STS: variants seen among roughly 807,000 people sequenced by gnomAD.
The protein encoded by STS is steryl-sulfatase.
STS carries 7 observed loss-of-function variants against 26.8 expected under a neutral mutation model. That is an observed-to-expected ratio of 0.26 (90% CI 0.15 to 0.49). STS has a LOEUF of 0.49. Among genes scored for constraint, STS ranks in the 20% least tolerant of loss-of-function variants. STS has a pLI of 0.98. For missense variants in STS, 434 were observed against 465.6 expected (o/e 0.93, Z 0.63); for synonymous variants, 199 against 189.4 (o/e 1.05, Z -0.42).
chrX:7,158,936 C>T (rs1049456710), intron 1 of STS, among the ~76,000 whole-genome samples: 1 of 111,290 alleles, frequency 9.0e-6, no homozygotes. Flanking sequence ...CGTATTTATT[C>T]ATGTTAAAAT....
At chrX:7,215,031 GTA>G (rs757978588) in intron 2 of STS, among the ~76,000 whole-genome samples, 913 of 59,211 alleles carry the variant, frequency 0.015, 8 homozygotes, top group Middle Eastern at 0.037. Flanking sequence ...TATTATATAT[GTA>G]TATATATACA....
At position 7,238,178 on chromosome X, in the gene STS, G is replaced by GTAGATAGATAGA. The variant is rs56331051; in HGVS notation, c.-4-14982_-4-14971dup. Among the ~76,000 whole-genome samples, 107 of 91,150 alleles carry GTAGATAGATAGA rather than the reference G, an allele frequency of 1.2e-3. 1 individual carries two copies. Among genetic ancestry groups the GTAGATAGATAGA allele is most frequent in the African/African-American group, 1.3e-3 (33 of 24,532 alleles). 79.2% of individuals were successfully genotyped at this position (91,150 alleles called of 115,157 possible). A position where few individuals can be genotyped will look rare whatever the true frequency, so the allele number is the denominator to read the frequency against. On this transcript the variant is annotated intron_variant, in intron 2 of 10. Transcript: ENST00000674429. ...TGTGTGTGTACACACAATGCGTGGT[G>GTAGATAGATAGA]TAGATAGATAGATAGATAGATAGAT...
chrX:7,172,556 A>C (rs774738490), intron 1 of STS, among the ~76,000 whole-genome samples: 3 of 111,602 alleles, frequency 2.7e-5, no homozygotes, highest in Non-Finnish European at 5.6e-5. Flanking sequence ...GGAGATGTGC[A>C]TAATTATTTC....
chrX:7,222,616 A>G (rs781371412), intron 2 of STS, among the ~76,000 whole-genome samples: 2 of 108,638 alleles, frequency 1.8e-5, no homozygotes, highest in East Asian at 2.9e-4. Context: ...TTTTTGCTCT[A>G]TCTAGACTTT....
intron 2 of STS, among the ~76,000 whole-genome samples, chrX:7,210,521 A>G (rs980019513): frequency 9.3e-6 from 1 of 107,356 alleles, no homozygotes; most frequent in Non-Finnish European, 1.9e-5. Flanking sequence ...TAAAAAATAG[A>G]TGTATGTATA....
intron 2 of STS, among the ~76,000 whole-genome samples, chrX:7,194,139 G>A (rs967124484): frequency 5.4e-5 from 6 of 110,595 alleles, no homozygotes; most frequent in South Asian, 7.7e-4. Flanking sequence ...TCCTGACCTC[G>A]TGTGGAGGCT....
chrX:7,249,750 C>T (rs1437114544), intron 2 of STS, among the ~76,000 whole-genome samples: 2 of 111,459 alleles, frequency 1.8e-5, no homozygotes, highest in Non-Finnish European at 3.8e-5. Flanking sequence ...TTCATTGAAT[C>T]TCTCTGGGTC....
intron 6 of STS, among the ~76,000 whole-genome samples, chrX:7,263,443 A>T (rs991872795): frequency 1.2e-4 from 14 of 112,682 alleles, no homozygotes; most frequent in African/African-American, 4.5e-4. Context: ...AATACTTGCC[A>T]TTGCATTGCA....
At chrX:7,222,804 G>A (rs1473771269) in intron 2 of STS, among the ~76,000 whole-genome samples, 1 of 111,080 alleles carries the variant, frequency 9.0e-6, no homozygotes, top group African/African-American at 3.3e-5. Flanking sequence ...TTTTGTTACA[G>A]GGATATATTG....
intron 2 of STS, among the ~76,000 whole-genome samples, chrX:7,226,850 G>A (rs1448538182): frequency 2.7e-5 from 3 of 111,999 alleles, no homozygotes; most frequent in Admixed American, 9.5e-5. Context: ...AGCTTTGTTC[G>A]TGCTACTGCA....
intron 1 of STS, among the ~76,000 whole-genome samples, chrX:7,151,520 A>G (rs774535555): frequency 8.9e-6 from 1 of 112,028 alleles, no homozygotes; most frequent in Non-Finnish European, 1.9e-5. Flanking sequence ...CTTCAGAGGC[A>G]CTGAATATTC....
At chrX:7,322,249 A>C (rs1927071792) in intron 8 of STS, among the ~76,000 whole-genome samples, 1 of 111,917 alleles carries the variant, frequency 8.9e-6, no homozygotes, top group Non-Finnish European at 1.9e-5. Flanking sequence ...TATGCAGATG[A>C]GACCTCCTGT....
chrX:7,343,362 A>C (rs746697079), intron 10 of STS, among the ~76,000 whole-genome samples: 1 of 112,323 alleles, frequency 8.9e-6, no homozygotes, highest in East Asian at 2.8e-4. Context: ...TTACAGTAGC[A>C]ACAGATTGAA....
At chrX:7,203,078 C>G (rs984016141) in intron 2 of STS, among the ~76,000 whole-genome samples, 2 of 110,936 alleles carry the variant, frequency 1.8e-5, no homozygotes, top group Admixed American at 1.9e-4. Context: ...CCCTCTCTTT[C>G]TCTCTCTTCA....
chrX:7,279,309 A>T (rs866451411), intron 7 of STS, among the ~76,000 whole-genome samples: 1 of 34,261 alleles, frequency 2.9e-5, no homozygotes, highest in Non-Finnish European at 6.6e-5. Flanking sequence ...ATATATATAT[A>T]TATGTGTGTG....
At chrX:7,175,442 C>T (rs949747412) in intron 1 of STS, among the ~76,000 whole-genome samples, 2 of 110,796 alleles carry the variant, frequency 1.8e-5, no homozygotes, top group Non-Finnish European at 3.8e-5. Flanking sequence ...TGCAGTGAGC[C>T]ATGATCATGC....
intron 6 of STS, among the ~76,000 whole-genome samples, chrX:7,260,121 C>T (rs1222113954): frequency 1.8e-5 from 2 of 112,198 alleles, no homozygotes; most frequent in African/African-American, 3.2e-5. Flanking sequence ...GTGATCCGCC[C>T]GCCTCGGCCT....
intron 1 of STS, among the ~76,000 whole-genome samples, chrX:7,152,054 G>A (rs1443354571): frequency 1.8e-5 from 2 of 110,691 alleles, no homozygotes; most frequent in African/African-American, 6.6e-5. Flanking sequence ...TCGGGTTCAC[G>A]CCGTTCTCCT....
At chrX:7,267,996 G>A (rs1011390532) in intron 6 of STS, among the ~76,000 whole-genome samples, 8 of 110,558 alleles carry the variant, frequency 7.2e-5, no homozygotes, top group African/African-American at 2.6e-4. Context: ...CTGACTTCCC[G>A]GAGTGGTAAG....
Sources: allele counts gnomAD v4.1 joint callset (sites outside exome capture counted in the v4.1 genomes callset), GRCh38; gene constraint gnomAD v4.1.1; transcripts MANE v1.5; gene names NCBI Gene and HGNC (gene_info 2026-07-23, HGNC 2026-07-21).